Variants in KLHL2 observed in about 807,000 individuals in gnomAD.
KLHL2 encodes kelch like family member 2.
In KLHL2, 15 loss-of-function variants were observed where a neutral mutation model predicts 75.8. The observed-to-expected ratio is 0.20, with a 90% CI of 0.13 to 0.30. The LOEUF is 0.30. KLHL2 is among the 10% of genes least tolerant of loss of function. KLHL2 has a pLI of 1.00. For missense variants in KLHL2, 381 were observed against 741.0 expected, an observed-to-expected ratio of 0.51 and a Z score of 5.64; for synonymous variants, 214 against 251.9, an observed-to-expected ratio of 0.85 and a Z score of 1.42.
intron 10 of KLHL2, among the ~76,000 whole-genome samples, chr4:165,311,013 C>T (rs1248950855): frequency 6.6e-6 from 1 of 151,952 alleles, no homozygotes; most frequent in Non-Finnish European, 1.5e-5. Context: ...CGCCACCACG[C>T]CCGGCTAATT....
At chr4:165,266,533 C>T (rs977943855) in intron 5 of KLHL2, among the ~76,000 whole-genome samples, 1 of 152,166 alleles carries the variant, frequency 6.6e-6, no homozygotes, top group Non-Finnish European at 1.5e-5. Context: ...CAGCTTTCTG[C>T]ATATGGCTAG....
At chr4:165,233,734 T>G (rs982654272) in intron 3 of KLHL2, among the ~76,000 whole-genome samples, 1 of 152,146 alleles carries the variant, frequency 6.6e-6, no homozygotes, top group African/African-American at 2.4e-5. Context: ...AGAAGAAAGG[T>G]TAGACAGTAA....
At chr4:165,279,339 T>C (rs774076398) in intron 5 of KLHL2, 24 of 1,575,820 alleles carry the variant, frequency 1.5e-5, no homozygotes, top group South Asian at 5.5e-5. Flanking sequence ...TCTCCAGTTA[T>C]CTTGTCCCAG....
At chr4:165,213,014 A>G (rs990620442) in intron 1 of KLHL2, among the ~76,000 whole-genome samples, 1 of 152,224 alleles carries the variant, frequency 6.6e-6, no homozygotes, top group African/African-American at 2.4e-5. Context: ...TTTGTTCACA[A>G]ACTGACTTCA....
At chr4:165,313,680 T>C (rs1014599908) in intron 12 of KLHL2, among the ~76,000 whole-genome samples, 1 of 152,178 alleles carries the variant, frequency 6.6e-6, no homozygotes, top group African/African-American at 2.4e-5. Flanking sequence ...TTCATGTATA[T>C]TTCTTAAAAT....
intron 5 of KLHL2, among the ~76,000 whole-genome samples, chr4:165,282,314 T>C (rs1477172764): frequency 6.6e-6 from 1 of 152,202 alleles, no homozygotes; most frequent in African/African-American, 2.4e-5. Flanking sequence ...TACAGTAGGA[T>C]GAAAAAGAAT....
chr4:165,258,163 G>A (rs1055962952), intron 4 of KLHL2, among the ~76,000 whole-genome samples: 2 of 152,106 alleles, frequency 1.3e-5, no homozygotes, highest in Non-Finnish European at 2.9e-5. Context: ...TTGGAGTGTG[G>A]CCTTCCCTCA....
At chr4:165,211,667 C>G (rs7688782) in intron 1 of KLHL2, among the ~76,000 whole-genome samples, 7 of 152,076 alleles carry the variant, frequency 4.6e-5, no homozygotes, top group African/African-American at 1.7e-4. Flanking sequence ...GTAATAATGG[C>G]CCACAAACAA....
chr4:165,284,449 T>C (rs555012860), intron 5 of KLHL2, among the ~76,000 whole-genome samples: 2 of 152,296 alleles, frequency 1.3e-5, no homozygotes, highest in South Asian at 4.1e-4. Flanking sequence ...GCCAGTCTCT[T>C]TGCTAAAACA....
At chr4:165,289,861 T>C (rs1744377184) in intron 5 of KLHL2, among the ~76,000 whole-genome samples, 2 of 152,348 alleles carry the variant, frequency 1.3e-5, no homozygotes, top group South Asian at 4.1e-4. Flanking sequence ...TGGAGAGTTC[T>C]TTCCCCTCAT....
intron 8 of KLHL2, among the ~76,000 whole-genome samples, 191 bp from the exon 9 acceptor site, chr4:165,305,417 T>G (rs930340282): frequency 4.6e-5 from 7 of 152,218 alleles, no homozygotes; most frequent in Non-Finnish European, 8.8e-5. Flanking sequence ...GACGATAGAA[T>G]TGTATTTTTA....
At chr4:165,316,312 T>C (rs1282365976) in intron 13 of KLHL2, among the ~76,000 whole-genome samples, 1 of 152,248 alleles carries the variant, frequency 6.6e-6, no homozygotes, top group Non-Finnish European at 1.5e-5. Context: ...AGGGCCATTT[T>C]TGAGATCATT....
At chr4:165,290,414 C>T (rs941933546) in intron 5 of KLHL2, among the ~76,000 whole-genome samples, 23 of 152,028 alleles carry the variant, frequency 1.5e-4, no homozygotes, top group African/African-American at 4.8e-4. Flanking sequence ...GGATTACAGG[C>T]GTGAGCCACT....
chr4:165,229,962 C>G (rs200979729), intron 3 of KLHL2, among the ~76,000 whole-genome samples: 12,086 of 100,730 alleles, frequency 0.12, no homozygotes, highest in East Asian at 0.15. Flanking sequence ...TGATCTTGCT[C>G]TTCCAGAACA....
intron 5 of KLHL2, among the ~76,000 whole-genome samples, chr4:165,283,950 C>A (rs963166232): frequency 2.6e-5 from 4 of 152,218 alleles, no homozygotes; most frequent in African/African-American, 9.6e-5. Context: ...GAGGCTTGCA[C>A]CCTTGGAGGC....
intron 4 of KLHL2, among the ~76,000 whole-genome samples, chr4:165,261,896 A>C (rs969435719): frequency 6.6e-6 from 1 of 152,160 alleles, no homozygotes; most frequent in Non-Finnish European, 1.5e-5. Flanking sequence ...TATGAAAGTC[A>C]ATTTCTGAAG....
chr4:165,225,071 G>GT (rs1315835103), intron 2 of KLHL2, among the ~76,000 whole-genome samples: 1 of 152,156 alleles, frequency 6.6e-6, no homozygotes, highest in Non-Finnish European at 1.5e-5. Context: ...TTTCAAAGCA[G>GT]TTTCTTTTTT....
Position 165,314,143 on chromosome 4 carries a change from T to C in KLHL2, c.1586T>C (p.Met529Thr). The change falls in exon 13 of 15, where the codon ATG becomes ACG. Residue 529 changes from methionine (M) to threonine (T), a missense_variant. This residue lies in a region of KLHL2 where 168 missense variants were observed against 370.4 expected (regional missense o/e 0.45). Transcript: ENST00000226725. ...AACGCATGGAGACAGGTTGCAGATA[T>C]GAACATGTGCAGAAGAAATGCAGGT... is the stretch of plus-strand genomic sequence containing the variant. Reference protein sequence around the residue: ...TTNAWRQVADMNMCRRNAGVC... With the variant: ...TTNAWRQVADTNMCRRNAGVC... 6.2e-7 allele frequency: 1 copy of C among 1,613,348 alleles called. No individual in the cohort carries two copies. The highest frequency in any genetic ancestry group is 8.5e-7 in the Non-Finnish European group (1 of 1,179,610).
At position 165,310,716 on chromosome 4, in the gene KLHL2, A is replaced by G. The variant is rs28678193; in HGVS notation, c.1203A>G (p.Leu401=). The G allele has an allele frequency of 0.4, 649,621 of 1,612,540 alleles. 134,888 individuals are homozygous for G. The highest frequency in any genetic ancestry group is 0.48 in the Middle Eastern group (2,862 of 5,914). Residue 401 remains leucine, a synonymous_variant, in exon 10 of 15, where the codon TTA becomes TTG. Transcript: ENST00000226725. ...TGGGAGCTGCTGTGTTAAATGGATT[A>G]TTATACGCTGTGGGAGGCTTTGATG... ...STLGAAVLNG[L]LYAVGGFDGS...
Sources: gnomAD v4.1 joint callset for allele counts (sites outside exome capture counted in the v4.1 genomes callset) on GRCh38, gnomAD v4.1.1 for gene constraint, gnomAD v4.1.1 regional missense constraint, MANE v1.5 for transcripts, NCBI Gene and HGNC (gene_info 2026-07-23, HGNC 2026-07-21) for gene names.